The following DGKI variants were observed in gnomAD, a reference collection of about 807,000 sequenced individuals.
The protein encoded by DGKI is diacylglycerol kinase iota, also known as DAG kinase iota.
Under a neutral mutation model 147.5 loss-of-function variants are expected in DGKI, and 55 were observed. That is an observed-to-expected ratio of 0.37 (90% CI 0.30 to 0.47). The LOEUF is 0.47. DGKI is among the 20% of genes least tolerant of loss of function. The pLI is 1.00. For missense variants in DGKI, 1,007 were observed against 1,323.8 expected, an observed-to-expected ratio of 0.76 and a Z score of 3.71; for synonymous variants, 469 against 477.1, an observed-to-expected ratio of 0.98 and a Z score of 0.22.
At chr7:137,528,738 G>A (rs1460207813) in intron 20 of DGKI, among the ~76,000 whole-genome samples, 2 of 152,070 alleles carry the variant, frequency 1.3e-5, no homozygotes, top group South Asian at 2.1e-4. Flanking sequence ...CCCTATGACT[G>A]CATCTTCAAG....
At chr7:137,729,142 T>A (rs1480634446) in intron 1 of DGKI, among the ~76,000 whole-genome samples, 1 of 152,122 alleles carries the variant, frequency 6.6e-6, no homozygotes, top group Non-Finnish European at 1.5e-5. Context: ...GTGCCAAATT[T>A]TTATTTTGCT....
intron 6 of DGKI, among the ~76,000 whole-genome samples, chr7:137,643,477 T>C (rs1821720222): frequency 6.6e-6 from 1 of 152,170 alleles, no homozygotes; most frequent in Non-Finnish European, 1.5e-5. Context: ...TAATTTATTA[T>C]GTGGCAAGGA....
intron 12 of DGKI, 118 bp downstream of exon 12, chr7:137,597,729 G>C: frequency 4.5e-6 from 4 of 879,700 alleles, no homozygotes; most frequent in Non-Finnish European, 7.4e-6. Context: ...ATTCACATGA[G>C]AGATATACAT....
chr7:137,487,824 A>G, intron 21 of DGKI, 135 bp from the exon 22 acceptor site: 3 of 745,460 alleles, frequency 4.0e-6, no homozygotes, highest in Non-Finnish European at 6.6e-6. Context: ...AAAAAGAAAG[A>G]AGTACTTTCT....
chr7:137,424,139 T>C (rs536689593), intron 28 of DGKI, among the ~76,000 whole-genome samples: 1 of 152,306 alleles, frequency 6.6e-6, no homozygotes, highest in South Asian at 2.1e-4. Context: ...TAAAAATAAA[T>C]CTTAACTTTC....
At chr7:137,445,486 G>T (rs2113579) in intron 27 of DGKI, among the ~76,000 whole-genome samples, 1 of 151,870 alleles carries the variant, frequency 6.6e-6, no homozygotes, top group Non-Finnish European at 1.5e-5. Context: ...CCCTGGGTAG[G>T]GTTGATTTAT....
intron 23 of DGKI, among the ~76,000 whole-genome samples, chr7:137,473,724 C>T (rs1815066721): frequency 6.6e-6 from 1 of 152,092 alleles, no homozygotes; most frequent in Non-Finnish European, 1.5e-5. Context: ...TGGAAAGACT[C>T]AACTTTTTGC....
chr7:137,646,282 A>G (rs1399556797), intron 5 of DGKI, among the ~76,000 whole-genome samples: 5 of 152,248 alleles, frequency 3.3e-5, no homozygotes, highest in Non-Finnish European at 7.3e-5. Flanking sequence ...TTCACTAGAT[A>G]GAGTGAAGAA....
intron 1 of DGKI, among the ~76,000 whole-genome samples, chr7:137,752,166 G>A (rs1442121148): frequency 6.6e-6 from 1 of 152,016 alleles, no homozygotes; most frequent in Non-Finnish European, 1.5e-5. Context: ...GATAATAAAA[G>A]TTGTGGGGGG....
At chr7:137,643,222 C>T (rs1475623687) in intron 6 of DGKI, among the ~76,000 whole-genome samples, 5 of 128,318 alleles carry the variant, frequency 3.9e-5, no homozygotes, top group Admixed American at 9.6e-5. Flanking sequence ...ACCTGGGAGG[C>T]GGAGCTTGCA....
intron 30 of DGKI, among the ~76,000 whole-genome samples, chr7:137,407,626 T>C (rs1812006701): frequency 6.6e-6 from 1 of 151,926 alleles, no homozygotes; most frequent in Non-Finnish European, 1.5e-5. Context: ...AACTAATTAG[T>C]CTGAAAAATA....
At chr7:137,494,340 C>A (rs1815883031) in intron 21 of DGKI, among the ~76,000 whole-genome samples, 1 of 151,990 alleles carries the variant, frequency 6.6e-6, no homozygotes, top group Non-Finnish European at 1.5e-5. Flanking sequence ...AAATATTACA[C>A]AAGAAGATCA....
intron 30 of DGKI, 49 bp downstream of exon 30, chr7:137,407,826 T>C (rs1375188041): frequency 2.5e-6 from 4 of 1,598,892 alleles, no homozygotes; most frequent in Non-Finnish European, 2.6e-6. Context: ...CAAAATGCAA[T>C]GGATTTCACA....
At chr7:137,757,424 C>T (rs1425957185) in intron 1 of DGKI, among the ~76,000 whole-genome samples, 2 of 152,160 alleles carry the variant, frequency 1.3e-5, no homozygotes, top group Non-Finnish European at 2.9e-5. Context: ...ATTTCTTAAC[C>T]GTTGGTGTCA....
intron 27 of DGKI, among the ~76,000 whole-genome samples, chr7:137,462,034 A>G (rs1032832030): frequency 6.6e-6 from 1 of 152,148 alleles, no homozygotes; most frequent in Non-Finnish European, 1.5e-5. Flanking sequence ...TCAGTATGTT[A>G]TATATAGAAA....
At chr7:137,492,884 C>G (rs547157231) in intron 21 of DGKI, among the ~76,000 whole-genome samples, 1 of 152,172 alleles carries the variant, frequency 6.6e-6, no homozygotes, top group Non-Finnish European at 1.5e-5. Context: ...ATAGCTCCTG[C>G]GCTGGCTGAC....
At chr7:137,613,078 G>A (rs929558864) in intron 8 of DGKI, among the ~76,000 whole-genome samples, 2 of 151,958 alleles carry the variant, frequency 1.3e-5, no homozygotes, top group Admixed American at 1.3e-4. Flanking sequence ...AATAGTTACG[G>A]GTAAATCACT....
chr7:137,645,535 A>G lies in DGKI; in HGVS notation c.741T>C (p.Asn247=). The stretch of plus-strand genomic sequence containing the variant: ...TGTGCACCCAGTGATGACGTACAAA[A>G]TTCTGTGGGAAAACAAAATTAAATG... ...REGGSRSPRE[N]FVRHHWVHRR... The change falls in exon 6 of 33, where the codon AAT becomes AAC. Residue 247 remains asparagine (N), a splice_region_variant and synonymous_variant. Coordinates refer to ENST00000614521, the MANE Select transcript of DGKI (RefSeq NM_001321708.2). 6.2e-7 allele frequency: 1 copy of G among 1,612,112 alleles called. No homozygotes were observed.
At chr7:137,659,276 C>A (rs2116274954) in intron 3 of DGKI, among the ~76,000 whole-genome samples, 1 of 152,280 alleles carries the variant, frequency 6.6e-6, no homozygotes, top group Middle Eastern at 3.4e-3. Context: ...GGTCCCAGGT[C>A]TTTTGCCATA....
Sources: allele counts gnomAD v4.1 joint callset (sites outside exome capture counted in the v4.1 genomes callset), GRCh38; gene constraint gnomAD v4.1.1; transcripts MANE v1.5; gene names NCBI Gene and HGNC (gene_info 2026-07-23, HGNC 2026-07-21).